Variants in PBX1 observed in about 807,000 individuals in gnomAD.
PBX1 encodes pre-B-cell leukemia transcription factor 1.
Under a neutral mutation model 53.4 loss-of-function variants are expected in PBX1, and 6 were observed. The observed-to-expected ratio is 0.11, with a 90% CI of 0.06 to 0.22. The LOEUF (loss-of-function observed/expected upper bound fraction) is 0.22. Among genes scored for constraint, PBX1 ranks in the 10% least tolerant of loss-of-function variants. The pLI is 1.00. For missense variants in PBX1, 251 were observed against 551.4 expected (o/e 0.46, Z 5.46); for synonymous variants, 204 against 212.3 (o/e 0.96, Z 0.34).
chr1:164,869,942 GC>G (rs1453067189), intron 2 of PBX1, among the ~76,000 whole-genome samples: 1 of 152,150 alleles, frequency 6.6e-6, no homozygotes, highest in Non-Finnish European at 1.5e-5. Flanking sequence ...CGGCATGGAG[GC>G]CAGCAAGACT....
chr1:164,678,206 G>A (rs1253904143), intron 2 of PBX1, among the ~76,000 whole-genome samples: 1 of 152,166 alleles, frequency 6.6e-6, no homozygotes, highest in Admixed American at 6.5e-5. Context: ...GTCCTTTGGT[G>A]GAACAGATAG....
intron 8 of PBX1, among the ~76,000 whole-genome samples, chr1:164,840,029 G>C (rs1341506208): frequency 6.6e-6 from 1 of 152,090 alleles, no homozygotes; most frequent in Non-Finnish European, 1.5e-5. Flanking sequence ...AGTAGTTGGT[G>C]AGCTGAGGTT....
intron 2 of PBX1, among the ~76,000 whole-genome samples, chr1:164,732,902 C>T (rs1665075806): frequency 6.6e-6 from 1 of 152,142 alleles, no homozygotes; most frequent in African/African-American, 2.4e-5. Context: ...ATCTACACTT[C>T]CTCAACCCAC....
At chr1:164,739,629 G>T (rs550561132) in intron 2 of PBX1, among the ~76,000 whole-genome samples, 1 of 152,204 alleles carries the variant, frequency 6.6e-6, no homozygotes, top group South Asian at 2.1e-4. Flanking sequence ...GTCTTTAAAA[G>T]TTTAGATGAT....
intron 2 of PBX1, among the ~76,000 whole-genome samples, chr1:164,858,868 G>C (rs949740690): frequency 2.0e-5 from 3 of 152,154 alleles, no homozygotes; most frequent in African/African-American, 7.2e-5. Context: ...CTTCATACGT[G>C]CCGTGTACTT....
At chr1:164,674,610 T>A (rs2101980682) in intron 2 of PBX1, 2 of 152,264 alleles carry the variant, frequency 1.3e-5, no homozygotes, top group South Asian at 4.1e-4. Context: ...TCTGAACCAC[T>A]AAGTACTATT....
chr1:164,771,858 C>T (rs929330826), intron 2 of PBX1, among the ~76,000 whole-genome samples: 1 of 152,114 alleles, frequency 6.6e-6, no homozygotes, highest in African/African-American at 2.4e-5. Flanking sequence ...CCCATCTGCC[C>T]CCGCCAGACC....
chr1:164,882,621 AT>A (rs1672687145), intron 2 of PBX1, among the ~76,000 whole-genome samples: 1 of 152,178 alleles, frequency 6.6e-6, no homozygotes, highest in Non-Finnish European at 1.5e-5. Context: ...AAAAAATAAA[AT>A]AGAGATGGAG....
At chr1:164,870,320 T>TCTTC in intron 2 of PBX1, among the ~76,000 whole-genome samples, 2 of 105,802 alleles carry the variant, frequency 1.9e-5, no homozygotes, top group Non-Finnish European at 3.9e-5. Context: ...TTTCTTTCTT[T>TCTTC]CTTTCTTTCT....
At chr1:164,657,227 T>C (rs193156043) in intron 2 of PBX1, 77 of 152,310 alleles carry the variant, frequency 5.1e-4, no homozygotes, top group African/African-American at 1.3e-3. Flanking sequence ...ATTTCAGTCA[T>C]TAGGGCAGTT....
At chr1:164,864,310 T>C (rs1347294447) in intron 2 of PBX1, among the ~76,000 whole-genome samples, 2 of 152,114 alleles carry the variant, frequency 1.3e-5, no homozygotes, top group African/African-American at 2.4e-5. Context: ...AGTGTAAATC[T>C]TTCTTGGAGA....
intron 2 of PBX1, among the ~76,000 whole-genome samples, chr1:164,783,741 C>T (rs1212830738): frequency 6.6e-6 from 1 of 151,764 alleles, no homozygotes; most frequent in Non-Finnish European, 1.5e-5. Context: ...TTTTTTTGTG[C>T]CATGCTGTGG....
intron 8 of PBX1, among the ~76,000 whole-genome samples, chr1:164,832,422 A>G (rs1670814622): frequency 6.6e-6 from 1 of 152,146 alleles, no homozygotes; most frequent in African/African-American, 2.4e-5. Context: ...TTATTGTGTC[A>G]TATTTGGTTA....
intron 2 of PBX1, among the ~76,000 whole-genome samples, chr1:164,630,121 C>T (rs1658315279): frequency 6.6e-6 from 1 of 152,038 alleles, no homozygotes; most frequent in Admixed American, 6.5e-5. Flanking sequence ...TGCTTGTGAC[C>T]AATGGGGTGA....
At chr1:164,791,356 C>G (rs1668497054) in intron 2 of PBX1, among the ~76,000 whole-genome samples, 1 of 152,184 alleles carries the variant, frequency 6.6e-6, no homozygotes, top group African/African-American at 2.4e-5. Context: ...AGACGCCATC[C>G]TACCAGAGCA....
chr1:164,790,263 C>T (rs1055663126), intron 2 of PBX1, among the ~76,000 whole-genome samples: 11 of 152,128 alleles, frequency 7.2e-5, no homozygotes, highest in African/African-American at 2.4e-4. Context: ...TGACTAAATC[C>T]TTATTGTGCA....
intron 2 of PBX1, among the ~76,000 whole-genome samples, chr1:164,879,694 G>A (rs1338081035): frequency 6.6e-6 from 1 of 152,154 alleles, no homozygotes; most frequent in East Asian, 1.9e-4. Flanking sequence ...AATGTGTTTG[G>A]CCCAATACCA....
intron 2 of PBX1, among the ~76,000 whole-genome samples, chr1:164,885,005 T>C (rs1165516838): frequency 2.0e-5 from 3 of 152,192 alleles, no homozygotes; most frequent in African/African-American, 7.2e-5. Context: ...ACACATTTAG[T>C]GCATCTCCCC....
At chr1:164,565,529 T>C (rs1199610470) in intron 2 of PBX1, among the ~76,000 whole-genome samples, 1 of 151,890 alleles carries the variant, frequency 6.6e-6, no homozygotes, top group Non-Finnish European at 1.5e-5. Context: ...GTCTTCAACT[T>C]GTGTGTTGGA....
Sources: gnomAD v4.1 joint callset for allele counts (sites outside exome capture counted in the v4.1 genomes callset) on GRCh38, gnomAD v4.1.1 for gene constraint, MANE v1.5 for transcripts, NCBI Gene and HGNC (gene_info 2026-07-23, HGNC 2026-07-21) for gene names.